The following SPAG16 variants were observed in gnomAD, a reference collection of about 807,000 sequenced individuals.
The protein encoded by SPAG16 is sperm-associated antigen 16 protein.
SPAG16 carries 86 observed loss-of-function variants against 80.4 expected under a neutral mutation model. The observed-to-expected ratio is 1.07, with a 90% CI of 0.90 to 1.28. The LOEUF is 1.28. Ranked by LOEUF, SPAG16 falls within the 50% of genes most tolerant of loss-of-function variation. The pLI, the probability that SPAG16 is intolerant of heterozygous loss-of-function variation, is 0.00. For missense variants in SPAG16, 870 were observed against 765.3 expected, an observed-to-expected ratio of 1.14 and a Z score of -1.61; for synonymous variants, 294 against 265.9, an observed-to-expected ratio of 1.11 and a Z score of -1.03.
At chr2:214,017,446 C>T (rs926598328) in intron 13 of SPAG16, among the ~76,000 whole-genome samples, 7 of 151,978 alleles carry the variant, frequency 4.6e-5, no homozygotes, top group South Asian at 4.2e-4. Context: ...AGGTTTTTTT[C>T]TCTCTCTCTC....
intron 13 of SPAG16, among the ~76,000 whole-genome samples, chr2:214,065,677 T>C (rs905627167): frequency 6.6e-5 from 10 of 152,328 alleles, no homozygotes; most frequent in African/African-American, 1.9e-4. Flanking sequence ...TGAGTTTGTA[T>C]ACTTAACAGG....
chr2:213,590,274 T>C (rs1421127778), intron 10 of SPAG16, among the ~76,000 whole-genome samples: 2 of 152,166 alleles, frequency 1.3e-5, no homozygotes, highest in Admixed American at 1.3e-4. Context: ...TGCATAATGC[T>C]GAGGTTTGGG....
chr2:213,492,046 T>C (rs768624422), intron 10 of SPAG16, among the ~76,000 whole-genome samples: 1 of 152,202 alleles, frequency 6.6e-6, no homozygotes, highest in Non-Finnish European at 1.5e-5. Flanking sequence ...TCATTTCCAA[T>C]TGGTCTCATT....
At chr2:213,790,046 A>G (rs1051500366) in intron 10 of SPAG16, among the ~76,000 whole-genome samples, 1 of 151,820 alleles carries the variant, frequency 6.6e-6, no homozygotes, top group Non-Finnish European at 1.5e-5. Context: ...GTATTATTCA[A>G]CTTGATTATT....
At chr2:214,265,488 G>T (rs942552439) in intron 15 of SPAG16, among the ~76,000 whole-genome samples, 4 of 151,882 alleles carry the variant, frequency 2.6e-5, no homozygotes, top group Non-Finnish European at 4.4e-5. Flanking sequence ...AAAGTTTGTT[G>T]TACATTTTGG....
chr2:214,383,571 AAAAAAAAAG>A (rs1202419252), intron 15 of SPAG16, among the ~76,000 whole-genome samples: 2 of 141,694 alleles, frequency 1.4e-5, no homozygotes, highest in Non-Finnish European at 3.1e-5. Flanking sequence ...ACTTCATCTC[AAAAAAAAAG>A]AAAAAAGAAA....
chr2:213,469,341 A>T (rs1199225074), intron 9 of SPAG16, among the ~76,000 whole-genome samples: 1 of 152,248 alleles, frequency 6.6e-6, no homozygotes, highest in Admixed American at 6.5e-5. Context: ...GGTGAAGTCA[A>T]TAAATCTTAT....
intron 1 of SPAG16, among the ~76,000 whole-genome samples, chr2:213,288,226 C>G (rs2126047138): frequency 6.6e-6 from 1 of 151,580 alleles, no homozygotes; most frequent in East Asian, 2.0e-4. Flanking sequence ...CTGCTGTCTT[C>G]TTAAGTAACA....
chr2:213,581,932 T>C (rs1014823405), intron 10 of SPAG16, among the ~76,000 whole-genome samples: 6 of 152,118 alleles, frequency 3.9e-5, no homozygotes, highest in Admixed American at 2.0e-4. Context: ...TTTTTTGCAG[T>C]AAGCCATTTT....
intron 1 of SPAG16, among the ~76,000 whole-genome samples, chr2:213,293,361 C>CTGG (rs1379410790): frequency 1.3e-5 from 2 of 152,208 alleles, no homozygotes; most frequent in African/African-American, 4.8e-5. Context: ...TCCTAATATT[C>CTGG]ATGCTCTTGT....
chr2:214,326,720 C>T (rs914901360), intron 15 of SPAG16, among the ~76,000 whole-genome samples: 20 of 151,948 alleles, frequency 1.3e-4, no homozygotes, highest in East Asian at 1.9e-4. Flanking sequence ...CCGAGGCAGG[C>T]GGATCACGAG....
At chr2:214,031,537 T>C (rs1333416911) in intron 13 of SPAG16, among the ~76,000 whole-genome samples, 2 of 141,780 alleles carry the variant, frequency 1.4e-5, no homozygotes, top group African/African-American at 5.3e-5. Context: ...ATGGCACATG[T>C]ATACATATGT....
At chr2:214,049,648 G>GCACAATGAA (rs1197861526) in intron 13 of SPAG16, among the ~76,000 whole-genome samples, 1 of 152,180 alleles carries the variant, frequency 6.6e-6, no homozygotes, top group Non-Finnish European at 1.5e-5. Flanking sequence ...AATCACATTT[G>GCACAATGAA]TGGTTGTGCA....
chr2:213,490,731 G>A (rs2074200236), intron 10 of SPAG16, among the ~76,000 whole-genome samples: 1 of 151,898 alleles, frequency 6.6e-6, no homozygotes. Context: ...GATAATCATG[G>A]ATACATCATT....
At chr2:213,370,128 C>T (rs1282246889) in intron 8 of SPAG16, among the ~76,000 whole-genome samples, 3 of 152,172 alleles carry the variant, frequency 2.0e-5, no homozygotes, top group African/African-American at 4.8e-5. Context: ...TCCTAAGGGA[C>T]TATGCACAAG....
chr2:214,270,147 T>C (rs1691890284), intron 15 of SPAG16, among the ~76,000 whole-genome samples: 1 of 152,182 alleles, frequency 6.6e-6, no homozygotes, highest in Admixed American at 6.6e-5. Context: ...TAAAAATGTA[T>C]TGACTTGAAT....
intron 15 of SPAG16, among the ~76,000 whole-genome samples, chr2:214,272,606 G>T (rs998076534): frequency 6.6e-6 from 1 of 152,076 alleles, no homozygotes; most frequent in African/African-American, 2.4e-5. Context: ...CCATGTCCCT[G>T]CAAAGGACAT....
At chr2:213,726,272 G>C (rs2066765939) in intron 10 of SPAG16, among the ~76,000 whole-genome samples, 1 of 152,158 alleles carries the variant, frequency 6.6e-6, no homozygotes, top group South Asian at 2.1e-4. Context: ...TATCTCTCAG[G>C]GATGTGTCCT....
intron 10 of SPAG16, among the ~76,000 whole-genome samples, chr2:213,610,746 G>A (rs1174823798): frequency 6.6e-6 from 1 of 151,980 alleles, no homozygotes; most frequent in Non-Finnish European, 1.5e-5. Context: ...GTCTACCCTA[G>A]GTACAATGCT....
Sources: allele counts gnomAD v4.1 joint callset (sites outside exome capture counted in the v4.1 genomes callset), GRCh38; gene constraint gnomAD v4.1.1; transcripts MANE v1.5; gene names NCBI Gene and HGNC (gene_info 2026-07-23, HGNC 2026-07-21).